SLC24A5: variants seen among roughly 807,000 people sequenced by gnomAD.
The protein encoded by SLC24A5 is sodium/potassium/calcium exchanger 5.
SLC24A5 carries 46 observed loss-of-function variants against 51.6 expected under a neutral mutation model. The observed-to-expected ratio is 0.89, with a 90% CI of 0.70 to 1.14. SLC24A5 has a LOEUF of 1.14. SLC24A5 is among the 50% of genes most tolerant of loss of function. The pLI is 0.00. For synonymous variants in SLC24A5, 230 were observed against 214.9 expected, an observed-to-expected ratio of 1.07 and a Z score of -0.62; for missense variants, 581 against 604.1, an observed-to-expected ratio of 0.96 and a Z score of 0.40.
chr15:48,134,742 C>G (rs897817691), intron 4 of SLC24A5, 142 bp from the exon 5 acceptor site: 1 of 776,054 alleles, frequency 1.3e-6, no homozygotes, highest in Non-Finnish European at 2.0e-6. Context: ...AGTTAGAACA[C>G]AATTTTACAT....
intron 2 of SLC24A5, among the ~76,000 whole-genome samples, chr15:48,131,739 A>G (rs1312060442): frequency 6.6e-6 from 1 of 152,176 alleles, no homozygotes; most frequent in Non-Finnish European, 1.5e-5. Flanking sequence ...CTAGGATACA[A>G]TGTAAACTAC....
intron 8 of SLC24A5, chr15:48,141,679 T>C (rs1464427580): frequency 5.8e-6 from 1 of 173,274 alleles, no homozygotes; most frequent in African/African-American, 2.4e-5. Context: ...TACTATTTAA[T>C]AGCAGGTTAA....
chr15:48,127,104 G>A (rs1023300861), intron 2 of SLC24A5, among the ~76,000 whole-genome samples: 1 of 152,104 alleles, frequency 6.6e-6, no homozygotes, highest in African/African-American at 2.4e-5. Context: ...TGTGACCTTG[G>A]GCAAAGTTCC....
At chr15:48,135,048 A>ATT in intron 5 of SLC24A5, 64 bp downstream of exon 5, 1 of 1,305,948 alleles carries the variant, frequency 7.7e-7, no homozygotes, top group South Asian at 1.2e-5. Context: ...TGGTTCAGTA[A>ATT]TTTTTTTTCA....
In SLC24A5 at chr15:48,139,126, A is replaced by ACATTTACATATCCGCATT; in HGVS notation, c.1029_1030insCATTTACATATCCGCATT (p.Ile343_Trp344insHisLeuHisIleArgIle). 6.2e-7 allele frequency: 1 copy of ACATTTACATATCCGCATT among 1,613,098 alleles called. No individual in the cohort carries two copies. Among genetic ancestry groups the ACATTTACATATCCGCATT allele is most frequent in the South Asian group, 1.1e-5 (1 of 91,034 alleles). On this transcript the variant is annotated inframe_insertion, in exon 7 of 9. Coordinates refer to ENST00000341459, the MANE Select transcript of SLC24A5 (RefSeq NM_205850.3). ...TGATAACCTTTTTCATGTCTGCAAT[A>ACATTTACATATCCGCATT]TGGATATCCGCATTTACATATATCC...
chr15:48,132,874 G>A (rs1339520880), intron 2 of SLC24A5, among the ~76,000 whole-genome samples: 1 of 152,136 alleles, frequency 6.6e-6, no homozygotes, highest in Non-Finnish European at 1.5e-5. Context: ...TGTGATGATA[G>A]TAAGGAAGTC....
At chr15:48,135,149 C>T (rs1880894989) in intron 5 of SLC24A5, 165 bp downstream of exon 5, 1 of 530,546 alleles carries the variant, frequency 1.9e-6, no homozygotes, top group Non-Finnish European at 3.4e-6. Flanking sequence ...TGATTGAGTT[C>T]TTCTCACTAG....
rs781312733 is a variant in SLC24A5, at chr15:48,121,037, C to A, written c.-8C>A. The A allele has an allele frequency of 6.2e-7, 1 of 1,612,958 alleles. No individual in the cohort carries two copies. Among genetic ancestry groups the A allele is most frequent in the Non-Finnish European group, 8.5e-7 (1 of 1,179,416 alleles). ...GAAGCTGCACGCTGCAGTAAGAGCACAGCAGAAATGCAGACAAAAGGGGGC... is the reference window on the plus strand; with the variant it reads ...GAAGCTGCACGCTGCAGTAAGAGCAAAGCAGAAATGCAGACAAAAGGGGGC... On this transcript the variant is annotated 5_prime_UTR_variant, in exon 1 of 9. Coordinates refer to ENST00000341459, the MANE Select transcript of SLC24A5 (RefSeq NM_205850.3).
chr15:48,121,776 A>T, intron 1 of SLC24A5, 81 bp from the exon 2 acceptor site: 1 of 1,409,658 alleles, frequency 7.1e-7, no homozygotes, highest in Non-Finnish European at 9.9e-7. Flanking sequence ...CCACACTTAC[A>T]GATTTCTTAA....
At chr15:48,124,273 T>C (rs1315898819) in intron 2 of SLC24A5, 4 of 152,092 alleles carry the variant, frequency 2.6e-5, no homozygotes, top group African/African-American at 9.6e-5. Flanking sequence ...TTTTTTCCAC[T>C]AAGAATCTGT....
chr15:48,121,190 GC>G (rs2038675783), intron 1 of SLC24A5, 25 bp downstream of exon 1: 12 of 1,585,692 alleles, frequency 7.6e-6, no homozygotes, highest in Non-Finnish European at 1.0e-5. Flanking sequence ...GGGTCAGTTA[GC>G]TCTGCAGCAG....
At chr15:48,126,063 G>T (rs1000360818) in intron 2 of SLC24A5, among the ~76,000 whole-genome samples, 3 of 152,158 alleles carry the variant, frequency 2.0e-5, no homozygotes, top group African/African-American at 4.8e-5. Flanking sequence ...CAGGGCCCCC[G>T]CTCGGTCAAA....
In SLC24A5 at chr15:48,134,265, A is replaced by G. The variant is rs2038841196; in HGVS notation, c.309A>G (p.Gly103=). ...CATTTCATTTATGTTCAGCCCTTGG[A>G]TTGTCTCAGGATGTTGCAGGCACAA... ...PSLEIISESL[G]LSQDVAGTTF... The change falls in exon 3 of 9, where the codon GGA becomes GGG. Residue 103 remains glycine (G), a synonymous_variant. Transcript: ENST00000341459. 1.2e-6 allele frequency: 2 copies of G among 1,613,262 alleles called. No homozygotes were observed. The highest frequency in any genetic ancestry group is 2.7e-5 in the African/African-American group (2 of 74,816).
chr15:48,138,378 T>C (rs1259456093), intron 6 of SLC24A5: 1 of 152,086 alleles, frequency 6.6e-6, no homozygotes, highest in Non-Finnish European at 1.5e-5. Flanking sequence ...TTAGATGATA[T>C]ACTACCTCCT....
At chr15:48,127,950 T>G (rs2038749009) in intron 2 of SLC24A5, among the ~76,000 whole-genome samples, 1 of 151,384 alleles carries the variant, frequency 6.6e-6, no homozygotes, top group African/African-American at 2.4e-5. Flanking sequence ...CTTTTAAATA[T>G]AATTTAAATT....
At chr15:48,136,601 A>G in intron 5 of SLC24A5, 82 bp from the exon 6 acceptor site, 1 of 1,292,184 alleles carries the variant, frequency 7.7e-7, no homozygotes, top group East Asian at 2.3e-5. Context: ...TTAGAAAATC[A>G]TTCAATAGAT....
chr15:48,121,961 A>G lies in SLC24A5; in HGVS notation c.226A>G (p.Ile76Val). 6.2e-7 allele frequency: 1 copy of G among 1,614,152 alleles called. No homozygotes were observed. The highest frequency in any genetic ancestry group is 8.5e-7 in the Non-Finnish European group (1 of 1,179,986). ...AGGCATCATAATCTATTTCCTAATTATCGTTTACATGTTCATGGCCATATC... is the reference window on the plus strand; with the variant it reads ...AGGCATCATAATCTATTTCCTAATTGTCGTTTACATGTTCATGGCCATATC... Reference protein sequence around the residue: ...DGGIIIYFLIIVYMFMAISIV... With the variant: ...DGGIIIYFLIVVYMFMAISIV... Residue 76 changes from isoleucine (I) to valine (V), a missense_variant, in exon 2 of 9, where the codon ATC (isoleucine) becomes GTC (valine). By Grantham distance (29) the Ile-to-Val change is conservative. Transcript: ENST00000341459.
rs1472678882 is a variant in SLC24A5, at chr15:48,142,367, T to C, written c.*16T>C. 1 of 1,488,354 alleles carries C rather than the reference T, an allele frequency of 6.7e-7. No individual in the cohort carries two copies. The highest frequency in any genetic ancestry group is 1.4e-5 in the African/African-American group (1 of 71,252). 92.2% of individuals were successfully genotyped at this position (1,488,354 alleles called of 1,614,324 possible). ...TGGAGGTTGATATTATTAATAGTGT[T>C]ATGCAGAAAATATGAATGGCAGGGA... On this transcript the variant is annotated 3_prime_UTR_variant, in exon 9 of 9. Transcript: ENST00000341459.
In SLC24A5 at chr15:48,141,121, C is replaced by T. The variant is rs2039066011; in HGVS notation, c.1087C>T (p.Leu363=). 3 of 1,612,176 alleles carry T rather than the reference C, an allele frequency of 1.9e-6. No individual in the cohort carries two copies. The highest frequency in any genetic ancestry group is 1.7e-6 in the Non-Finnish European group (2 of 1,178,578). Reference sequence around the variant, plus strand: ...ATATCTGTTTATTACAGGGGAAACACTAGAAATTCCCGATACAGTAATGGG... The same window carrying T: ...ATATCTGTTTATTACAGGGGAAACATTAGAAATTCCCGATACAGTAATGGG... ...VWMVTITGET[L]EIPDTVMGLT... Residue 363 remains leucine, a synonymous_variant, in exon 8 of 9, where the codon CTA becomes TTA. Coordinates refer to ENST00000341459, the MANE Select transcript of SLC24A5 (RefSeq NM_205850.3).
Sources: allele counts gnomAD v4.1 joint callset (sites outside exome capture counted in the v4.1 genomes callset), GRCh38; gene constraint gnomAD v4.1.1; transcripts MANE v1.5; gene names NCBI Gene and HGNC (gene_info 2026-07-23, HGNC 2026-07-21).